NF1: variants seen among roughly 807,000 people sequenced by gnomAD.
NF1 encodes neurofibromin 1.
A neutral mutation model predicts 325.7 loss-of-function variants in NF1; 122 were observed. The observed-to-expected ratio is 0.37, with a 90% confidence interval of 0.32 to 0.44. The LOEUF (loss-of-function observed/expected upper bound fraction) is 0.44, where lower values mean the gene tolerates loss of function less well. NF1 is among the 20% of genes least tolerant of loss of function. NF1 has a pLI of 1.00. For missense variants in NF1, 2,140 were observed against 3,415.4 expected, an observed-to-expected ratio of 0.63 and a Z score of 9.31; for synonymous variants, 1,091 against 1,186.0, an observed-to-expected ratio of 0.92 and a Z score of 1.65.
chr17:31,152,075 TC>T (rs1182573271), intron 1 of NF1, among the ~76,000 whole-genome samples: 1 of 152,064 alleles, frequency 6.6e-6, no homozygotes, highest in Non-Finnish European at 1.5e-5. Flanking sequence ...ATGTTCCCCT[TC>T]CTGTGTGGTT....
At chr17:31,329,120 CTG>C (rs1567613198) in intron 38 of NF1, among the ~76,000 whole-genome samples, 1 of 152,072 alleles carries the variant, frequency 6.6e-6, no homozygotes, top group African/African-American at 2.4e-5. Context: ...ATAATCATGT[CTG>C]TGAATAGCCA....
chr17:31,182,866 A>G (rs1339115833), intron 8 of NF1: 2 of 614,500 alleles, frequency 3.3e-6, no homozygotes, highest in Non-Finnish European at 2.9e-6. Flanking sequence ...AAATAATACC[A>G]GGCAATGAAC....
rs1265190592 is a variant in NF1, at chr17:31,377,663, C to A, written c.*3508C>A. ...CCTTTTTTTAAGTAAAATGTAAATT[C>A]AATCTGCTCTAAGATATGAGGAGTT... is the stretch of plus-strand genomic sequence containing the variant. On this transcript the variant is annotated 3_prime_UTR_variant, in exon 58 of 58. Coordinates refer to ENST00000358273, the MANE Select transcript of NF1 (RefSeq NM_001042492.3). 9.4e-6 allele frequency: 2 copies of A among 212,496 alleles called. No individual in the cohort carries two copies. The highest frequency in any genetic ancestry group is 4.7e-5 in the African/African-American group (2 of 42,990). The allele number at this position is 212,496 out of a possible 1,614,324, so 13.2% of individuals were successfully genotyped here.
chr17:31,261,666 A>C (rs1191986490), intron 34 of NF1, 45 bp from the exon 35 acceptor site: 1 of 1,609,994 alleles, frequency 6.2e-7, no homozygotes, highest in South Asian at 1.1e-5. Context: ...TGTAGTGCTA[A>C]ATGTGAACTG....
intron 29 of NF1, among the ~76,000 whole-genome samples, chr17:31,247,827 C>T (rs2067423019): frequency 6.6e-6 from 1 of 152,170 alleles, no homozygotes; most frequent in South Asian, 2.1e-4. Flanking sequence ...CTTCATCTAT[C>T]AACATGGATA....
chr17:31,103,730 G>A (rs980760249), intron 1 of NF1, among the ~76,000 whole-genome samples: 1 of 152,050 alleles, frequency 6.6e-6, no homozygotes, highest in African/African-American at 2.4e-5. Context: ...AGCTTTTTGG[G>A]GGGCTGAGGT....
At chr17:31,181,318 ATAT>A in intron 5 of NF1, 101 bp from the exon 6 acceptor site, 1 of 1,055,298 alleles carries the variant, frequency 9.5e-7, no homozygotes, top group Non-Finnish European at 1.4e-6. Context: ...CTTACAGATA[ATAT>A]TGGAGCAAAA....
At chr17:31,184,265 A>C (rs562167974) in intron 8 of NF1, among the ~76,000 whole-genome samples, 15 of 152,318 alleles carry the variant, frequency 9.8e-5, no homozygotes, top group Non-Finnish European at 5.9e-5. Flanking sequence ...TAGTGACCCT[A>C]TACATAATAA....
intron 36 of NF1, among the ~76,000 whole-genome samples, chr17:31,319,848 G>C (rs2069134353): frequency 6.6e-6 from 1 of 151,070 alleles, no homozygotes; most frequent in Non-Finnish European, 1.5e-5. Flanking sequence ...TTTATACCTA[G>C]CATTTTTTCT....
At chr17:31,265,179 C>A in intron 35 of NF1, 50 bp from the exon 36 acceptor site, 1 of 1,235,300 alleles carries the variant, frequency 8.1e-7, no homozygotes, top group South Asian at 1.2e-5. Context: ...TTTTTACATA[C>A]TCAGTAGACA....
chr17:31,224,238 G>A (rs2066975432), intron 16 of NF1, among the ~76,000 whole-genome samples: 1 of 152,130 alleles, frequency 6.6e-6, no homozygotes, highest in South Asian at 2.1e-4. Context: ...TGAGGTTGTG[G>A]AAGATAGAGA....
intron 24 of NF1, among the ~76,000 whole-genome samples, chr17:31,231,275 T>C (rs1235639): frequency 6.6e-6 from 1 of 152,206 alleles, no homozygotes; most frequent in Non-Finnish European, 1.5e-5. Context: ...TTGAATCTTT[T>C]TAAGAAATAA....
Position 31,249,119 on chromosome 17 carries a change from G to T in NF1, c.4110G>T (p.Gln1370His). The T allele has an allele frequency of 6.2e-7, 1 of 1,613,806 alleles. No homozygotes were observed. The change falls in exon 30 of 58, where the codon CAG becomes CAT. Residue 1370 changes from glutamine (Q) to histidine (H), a missense_variant and splice_region_variant. Coordinates refer to ENST00000358273, the MANE Select transcript of NF1 (RefSeq NM_001042492.3). ...GAAGTGTGTGCCACTGTTTATACCA[G>T]GTATGCTTACAGTTAGAGATTACCA... The part of the protein sequence containing the change: ...QLRSVCHCLY[Q>H]ATCHSLLNKA...
intron 57 of NF1, among the ~76,000 whole-genome samples, chr17:31,367,600 T>A (rs1363807119): frequency 6.6e-6 from 1 of 152,204 alleles, no homozygotes; most frequent in East Asian, 1.9e-4. Context: ...CGTGGTTTGA[T>A]GAAGTTTTTT....
chr17:31,348,311 T>TC (rs2070048304), intron 48 of NF1, among the ~76,000 whole-genome samples: 1 of 134,340 alleles, frequency 7.4e-6, no homozygotes, highest in Non-Finnish European at 1.6e-5. Flanking sequence ...TAGCTGACCC[T>TC]CCAATGTGAT....
intron 11 of NF1, among the ~76,000 whole-genome samples, chr17:31,204,170 A>G (rs944199784): frequency 3.3e-5 from 5 of 152,110 alleles, no homozygotes; most frequent in East Asian, 1.9e-4. Flanking sequence ...TTATGAACCA[A>G]TTATCTTAGC....
At chr17:31,335,752 C>T (rs2069650411) in intron 40 of NF1, among the ~76,000 whole-genome samples, 1 of 151,788 alleles carries the variant, frequency 6.6e-6, no homozygotes, top group Non-Finnish European at 1.5e-5. Flanking sequence ...AGTCTCGGCT[C>T]ATTGCAACCT....
intron 30 of NF1, chr17:31,250,510 A>G (rs1490664532): frequency 4.9e-6 from 1 of 205,028 alleles, no homozygotes; most frequent in Non-Finnish European, 1.0e-5. Flanking sequence ...GTGAATGGGG[A>G]CTGACTACAT....
rs1060500319 is a variant in NF1, at chr17:31,248,995, C to T, written c.3986C>T (p.Ser1329Leu). The change falls in exon 30 of 58, where the codon TCA becomes TTA. Residue 1329 changes from serine to leucine, a missense_variant. Physicochemically the swap from Ser to Leu is moderately radical, Grantham distance 145. Coordinates refer to ENST00000358273, the MANE Select transcript of NF1 (RefSeq NM_001042492.3). The part of the protein sequence containing the change: ...FEVDPTRLEP[S>L]ESLEENQRNL... ...TTATTTTTTTGTAGGTTAGAACCAT[C>T]AGAGAGCCTTGAGGAAAACCAGCGG... 1.2e-6 allele frequency: 2 copies of T among 1,614,048 alleles called. No homozygotes were observed. The highest frequency in any genetic ancestry group is 1.1e-5 in the South Asian group (1 of 91,082).
Sources: gnomAD v4.1 joint callset for allele counts (sites outside exome capture counted in the v4.1 genomes callset) on GRCh38, gnomAD v4.1.1 for gene constraint, MANE v1.5 for transcripts, NCBI Gene and HGNC (gene_info 2026-07-23, HGNC 2026-07-21) for gene names.